NPAS3: variants seen among roughly 807,000 people sequenced by gnomAD.
NPAS3 encodes the protein neuronal PAS domain protein 3.
A neutral mutation model predicts 73.1 loss-of-function variants in NPAS3; 14 were observed. The ratio of observed to expected loss-of-function variants is 0.19; its 90% CI spans 0.13 to 0.30. The LOEUF (loss-of-function observed/expected upper bound fraction) is 0.30. NPAS3 is among the 10% of genes least tolerant of loss of function. The pLI is 1.00. For synonymous variants in NPAS3, 620 were observed against 541.5 expected (o/e 1.14, Z -2.01); for missense variants, 1,096 against 1,250.0 (o/e 0.88, Z 1.86).
chr14:33,622,311 TAA>T (rs200658326), intron 5 of NPAS3, among the ~76,000 whole-genome samples: 3 of 142,068 alleles, frequency 2.1e-5, no homozygotes, highest in African/African-American at 7.7e-5. Context: ...AAATAAACCC[TAA>T]AAAAAAAAAG....
chr14:33,746,620 GT>G (rs948944815), intron 7 of NPAS3, among the ~76,000 whole-genome samples: 44 of 151,508 alleles, frequency 2.9e-4, no homozygotes, highest in African/African-American at 1.1e-3. Flanking sequence ...ACAAAATATG[GT>G]TGCACACAGC....
At chr14:33,371,895 A>G (rs2046105837) in intron 4 of NPAS3, among the ~76,000 whole-genome samples, 1 of 152,166 alleles carries the variant, frequency 6.6e-6, no homozygotes, top group Non-Finnish European at 1.5e-5. Flanking sequence ...GATTACGTGC[A>G]TCTTAAAATT....
chr14:33,203,091 T>G (rs917551121), intron 2 of NPAS3, among the ~76,000 whole-genome samples: 3 of 152,270 alleles, frequency 2.0e-5, no homozygotes, highest in Non-Finnish European at 4.4e-5. Context: ...CATTGCAAGT[T>G]AAACATTACT....
intron 4 of NPAS3, among the ~76,000 whole-genome samples, chr14:33,411,297 C>T (rs1333500904): frequency 2.6e-5 from 4 of 152,306 alleles, no homozygotes; most frequent in Admixed American, 1.3e-4. Context: ...ATTCTCCTGC[C>T]GCAGCCTCCC....
At chr14:33,239,044 C>T (rs948324404) in intron 3 of NPAS3, among the ~76,000 whole-genome samples, 2 of 151,892 alleles carry the variant, frequency 1.3e-5, no homozygotes, top group African/African-American at 4.8e-5. Flanking sequence ...CAACAGGCTT[C>T]GAGTGAGCTA....
At chr14:33,626,978 C>T (rs1238629750) in intron 5 of NPAS3, among the ~76,000 whole-genome samples, 1 of 151,868 alleles carries the variant, frequency 6.6e-6, no homozygotes, top group East Asian at 1.9e-4. Context: ...ACATTTATTC[C>T]AAGCCACACA....
intron 6 of NPAS3, among the ~76,000 whole-genome samples, chr14:33,703,965 T>A (rs927188539): frequency 6.6e-6 from 1 of 152,196 alleles, no homozygotes; most frequent in Non-Finnish European, 1.5e-5. Context: ...CACTTGACTT[T>A]GAATCTCGTC....
At chr14:33,486,090 C>A (rs1051996742) in intron 4 of NPAS3, among the ~76,000 whole-genome samples, 4 of 152,012 alleles carry the variant, frequency 2.6e-5, no homozygotes, top group Admixed American at 1.3e-4. Flanking sequence ...TATGGTTGTC[C>A]AAGTCCTGCA....
intron 7 of NPAS3, among the ~76,000 whole-genome samples, chr14:33,752,983 T>C (rs1040155302): frequency 2.0e-5 from 3 of 152,186 alleles, no homozygotes; most frequent in African/African-American, 4.8e-5. Context: ...AGGAAAATCA[T>C]TGATGCCCCA....
At chr14:32,945,461 T>A (rs2036211860) in intron 1 of NPAS3, among the ~76,000 whole-genome samples, 1 of 152,196 alleles carries the variant, frequency 6.6e-6, no homozygotes, top group African/African-American at 2.4e-5. Context: ...CACTGACCTA[T>A]GAGGGAAGTG....
chr14:33,782,952 C>T (rs2063026218), intron 9 of NPAS3, among the ~76,000 whole-genome samples: 1 of 152,168 alleles, frequency 6.6e-6, no homozygotes, highest in Non-Finnish European at 1.5e-5. Flanking sequence ...ATAACCCCTA[C>T]ACTTCCCTCC....
chr14:33,051,147 G>T (rs970738435), intron 1 of NPAS3, among the ~76,000 whole-genome samples: 2 of 151,300 alleles, frequency 1.3e-5, no homozygotes, highest in Non-Finnish European at 1.5e-5. Flanking sequence ...GGTGGCGGGC[G>T]CCTGTAGTCC....
intron 1 of NPAS3, among the ~76,000 whole-genome samples, chr14:32,989,593 C>T (rs1216534952): frequency 6.6e-6 from 1 of 151,994 alleles, no homozygotes; most frequent in Non-Finnish European, 1.5e-5. Context: ...TGCAGTGAGC[C>T]GAGAGCCCGC....
At chr14:33,271,345 AAG>A (rs1189649423) in intron 3 of NPAS3, among the ~76,000 whole-genome samples, 3 of 152,156 alleles carry the variant, frequency 2.0e-5, no homozygotes, top group African/African-American at 7.2e-5. Context: ...GGCAAAGGGA[AAG>A]AGAGTAGTAT....
In NPAS3 at chr14:33,467,477, T is replaced by C. The variant is rs76359047; in HGVS notation, c.469-92644T>C. 5.0e-3 allele frequency among the ~76,000 whole-genome samples: 762 copies of C among 152,346 alleles called. 3 individuals are homozygous for C. The highest frequency in any genetic ancestry group is 0.017 in the African/African-American group (720 of 41,576). On this transcript the variant is annotated intron_variant, in intron 4 of 11. Coordinates refer to ENST00000356141, the Ensembl canonical transcript of NPAS3. The stretch of plus-strand genomic sequence containing the variant: ...GAGGAGGAAATCATGTGATTCATTT[T>C]TTAACTTGAGCTATTGTAGAGCTCA...
intron 2 of NPAS3, among the ~76,000 whole-genome samples, chr14:33,142,413 G>A (rs1230553020): frequency 2.0e-5 from 3 of 151,780 alleles, no homozygotes; most frequent in Non-Finnish European, 2.9e-5. Flanking sequence ...CATATAGTGG[G>A]TTCTAAAAGG....
intron 3 of NPAS3, among the ~76,000 whole-genome samples, chr14:33,302,563 G>A (rs1345225611): frequency 6.6e-6 from 1 of 152,182 alleles, no homozygotes; most frequent in Non-Finnish European, 1.5e-5. Context: ...TTAGGCTTTG[G>A]AATAGGAAAG....
Position 33,037,596 on chromosome 14 carries a change from G to T in NPAS3, c.51-18309G>T, listed in dbSNP as rs541239714. 1.4e-4 allele frequency among the ~76,000 whole-genome samples: 21 copies of T among 152,178 alleles called. No individual in the cohort carries two copies. The South Asian group carries it at 4.3e-3, about 32-fold the overall frequency. ...TAGGAAGATTGCTTGAGCCCAGGAGGTTGAGGCTGCAGTGAGCTGTGATCT... is the reference window on the plus strand; with the variant it reads ...TAGGAAGATTGCTTGAGCCCAGGAGTTTGAGGCTGCAGTGAGCTGTGATCT... On this transcript the variant is annotated intron_variant, in intron 1 of 11. Coordinates refer to ENST00000356141, the Ensembl canonical transcript of NPAS3.
chr14:32,983,389 C>T (rs144928807), intron 1 of NPAS3, among the ~76,000 whole-genome samples: 1,612 of 152,162 alleles, frequency 0.011, 16 homozygotes, highest in South Asian at 0.019. Context: ...CATTAAATAA[C>T]CTGTTTACAT....
Sources: gnomAD v4.1 joint callset for allele counts (sites outside exome capture counted in the v4.1 genomes callset) on GRCh38, gnomAD v4.1.1 for gene constraint, MANE v1.5 for transcripts, NCBI Gene and HGNC (gene_info 2026-07-23, HGNC 2026-07-21) for gene names.